Variants in CA10 observed in about 807,000 individuals in gnomAD.
CA10 encodes the protein carbonic anhydrase-related protein 10.
Under a neutral mutation model 44.2 loss-of-function variants are expected in CA10, and 14 were observed. The ratio of observed to expected loss-of-function variants is 0.32; its 90% confidence interval spans 0.21 to 0.50. The LOEUF is 0.50. Among genes scored for constraint, CA10 ranks in the 20% least tolerant of loss-of-function variants. The pLI is 0.99. For synonymous variants in CA10, 159 were observed against 141.6 expected, an observed-to-expected ratio of 1.12 and a Z score of -0.87; for missense variants, 350 against 409.7, an observed-to-expected ratio of 0.85 and a Z score of 1.26.
chr17:51,768,575 A>G (rs982086550), intron 3 of CA10, among the ~76,000 whole-genome samples: 4 of 152,238 alleles, frequency 2.6e-5, no homozygotes, highest in Non-Finnish European at 5.9e-5. Context: ...TGAGGATGTC[A>G]TCTGCTTACA....
intron 3 of CA10, chr17:51,748,531 A>T: frequency 1.1e-6 from 1 of 913,402 alleles, no homozygotes; most frequent in African/African-American, 2.1e-5. Flanking sequence ...GTTCAGCTTC[A>T]TTTTCCTGAC....
At chr17:51,896,399 T>A (rs1487760144) in intron 3 of CA10, among the ~76,000 whole-genome samples, 1 of 152,118 alleles carries the variant, frequency 6.6e-6, no homozygotes, top group South Asian at 2.1e-4. Flanking sequence ...GCTCTATCCA[T>A]GTTACTGCAA....
intron 3 of CA10, among the ~76,000 whole-genome samples, chr17:51,795,382 A>G (rs1906667691): frequency 6.6e-6 from 1 of 152,208 alleles, no homozygotes; most frequent in Non-Finnish European, 1.5e-5. Context: ...ATTACCAAAG[A>G]GGAGCAATGG....
intron 2 of CA10, among the ~76,000 whole-genome samples, chr17:52,010,426 T>C (rs1038722872): frequency 2.0e-5 from 3 of 151,962 alleles, no homozygotes; most frequent in African/African-American, 7.2e-5. Flanking sequence ...ACATACACCA[T>C]GGAATACTAC....
chr17:51,644,774 A>G (rs1913249188), intron 6 of CA10, among the ~76,000 whole-genome samples: 1 of 149,512 alleles, frequency 6.7e-6, no homozygotes, highest in African/African-American at 2.5e-5. Context: ...CAGATATATT[A>G]TCAGATATAT....
intron 2 of CA10, among the ~76,000 whole-genome samples, chr17:51,951,191 A>G (rs1983467797): frequency 6.6e-6 from 1 of 152,192 alleles, no homozygotes; most frequent in Admixed American, 6.6e-5. Flanking sequence ...CAAGATTCTC[A>G]TAATGAAAGC....
At chr17:51,655,163 A>T (rs1211508038) in intron 4 of CA10, among the ~76,000 whole-genome samples, 1 of 152,198 alleles carries the variant, frequency 6.6e-6, no homozygotes, top group Non-Finnish European at 1.5e-5. Context: ...ATGCATATAG[A>T]TCTCCCCAAG....
intron 1 of CA10, among the ~76,000 whole-genome samples, chr17:52,097,662 A>T (rs759371512): frequency 1.3e-5 from 2 of 152,092 alleles, no homozygotes; most frequent in Non-Finnish European, 2.9e-5. Context: ...TCACATACTT[A>T]CTCATTTATT....
intron 2 of CA10, among the ~76,000 whole-genome samples, chr17:51,961,189 A>ACT (rs201367725): frequency 0.21 from 1,501 of 7,316 alleles, 24 homozygotes; most frequent in African/African-American, 0.26. Context: ...GTACACACAA[A>ACT]CACACACACA....
At chr17:51,751,917 C>G (rs1904904866) in intron 3 of CA10, among the ~76,000 whole-genome samples, 6 of 152,136 alleles carry the variant, frequency 3.9e-5, no homozygotes, top group Admixed American at 3.9e-4. Context: ...ATGCACCTAA[C>G]AGTGTGCTAG....
At chr17:51,888,743 C>T (rs184964836) in intron 3 of CA10, among the ~76,000 whole-genome samples, 1 of 152,244 alleles carries the variant, frequency 6.6e-6, no homozygotes, top group East Asian at 1.9e-4. Flanking sequence ...TTTGTGGAAA[C>T]TGGAGAGAAA....
At chr17:51,733,409 A>T (rs78575195) in intron 4 of CA10, among the ~76,000 whole-genome samples, 1 of 152,182 alleles carries the variant, frequency 6.6e-6, no homozygotes, top group Admixed American at 6.5e-5. Flanking sequence ...CACTCAGAAG[A>T]CAGGGAACAG....
At chr17:51,992,295 A>G (rs998705993) in intron 2 of CA10, among the ~76,000 whole-genome samples, 1 of 152,232 alleles carries the variant, frequency 6.6e-6, no homozygotes, top group Non-Finnish European at 1.5e-5. Flanking sequence ...GAGTTAAAAC[A>G]ATAGTAGTCT....
intron 4 of CA10, among the ~76,000 whole-genome samples, chr17:51,656,066 C>T (rs1913781137): frequency 6.6e-6 from 1 of 152,200 alleles, no homozygotes; most frequent in Non-Finnish European, 1.5e-5. Flanking sequence ...CTCAGCACAC[C>T]TCCCTTCCAG....
intron 3 of CA10, among the ~76,000 whole-genome samples, chr17:51,861,197 T>C (rs1353932357): frequency 6.6e-6 from 1 of 152,162 alleles, no homozygotes; most frequent in Non-Finnish European, 1.5e-5. Flanking sequence ...CTGATACTCC[T>C]AGTAGTGTCA....
intron 4 of CA10, among the ~76,000 whole-genome samples, chr17:51,690,583 A>G (rs528823451): frequency 1.3e-4 from 20 of 152,108 alleles, no homozygotes; most frequent in Non-Finnish European, 2.5e-4. Flanking sequence ...TGTTCTTGTG[A>G]TAGTGAATAA....
intron 3 of CA10, among the ~76,000 whole-genome samples, chr17:51,895,561 T>C (rs73348423): frequency 0.022 from 3,281 of 152,186 alleles, 92 homozygotes; most frequent in African/African-American, 0.071. Context: ...AAACTTATAG[T>C]TAATACTAAG....
chr17:51,831,936 C>G (rs887259000), intron 3 of CA10, among the ~76,000 whole-genome samples: 9 of 152,136 alleles, frequency 5.9e-5, no homozygotes, highest in African/African-American at 2.2e-4. Context: ...GCAACTGATG[C>G]CTACCAAAAT....
chr17:51,664,203 C>T (rs1197639336), intron 4 of CA10, among the ~76,000 whole-genome samples: 1 of 151,906 alleles, frequency 6.6e-6, no homozygotes, highest in Non-Finnish European at 1.5e-5. Context: ...TGGTCATCTC[C>T]TACGCAAAAA....
Sources: gnomAD v4.1 joint callset for allele counts (sites outside exome capture counted in the v4.1 genomes callset) on GRCh38, gnomAD v4.1.1 for gene constraint, MANE v1.5 for transcripts, NCBI Gene and HGNC (gene_info 2026-07-23, HGNC 2026-07-21) for gene names.